Variants in HHAT observed in about 807,000 individuals in gnomAD.
The protein encoded by HHAT is protein-cysteine N-palmitoyltransferase HHAT.
Under a neutral mutation model 70.8 loss-of-function variants are expected in HHAT, and 47 were observed. That is an observed-to-expected ratio of 0.66 (90% CI 0.53 to 0.85). HHAT has a LOEUF of 0.85. HHAT is among the 40% of genes least tolerant of loss of function. The probability of loss-of-function intolerance (pLI) is 0.00; values close to 1 mark genes in which losing one functional copy is unlikely to be tolerated. For synonymous variants in HHAT, 228 were observed against 247.6 expected (o/e 0.92, Z 0.74); for missense variants, 609 against 604.8 (o/e 1.01, Z -0.07).
intron 7 of HHAT, among the ~76,000 whole-genome samples, chr1:210,438,659 C>T (rs2093435224): frequency 6.6e-6 from 1 of 151,728 alleles, no homozygotes; most frequent in Non-Finnish European, 1.5e-5. Flanking sequence ...TGTGAACTGA[C>T]TCAGGTCTGG....
chr1:210,399,389 TGG>T (rs1238717618), intron 4 of HHAT, among the ~76,000 whole-genome samples: 2 of 152,158 alleles, frequency 1.3e-5, no homozygotes, highest in African/African-American at 4.8e-5. Context: ...CCCGGGTAGT[TGG>T]GATTACAGTC....
At chr1:210,491,182 A>G (rs1397509965) in intron 8 of HHAT, among the ~76,000 whole-genome samples, 1 of 151,980 alleles carries the variant, frequency 6.6e-6, no homozygotes, top group Non-Finnish European at 1.5e-5. Context: ...GTGTGGTTCA[A>G]GCCTGATTCA....
At chr1:210,377,817 G>A (rs2090342620) in intron 3 of HHAT, among the ~76,000 whole-genome samples, 1 of 152,196 alleles carries the variant, frequency 6.6e-6, no homozygotes, top group South Asian at 2.1e-4. Flanking sequence ...GCTGGGAATG[G>A]TACACAGTAG....
At chr1:210,331,265 T>C (rs541503626) in intron 1 of HHAT, among the ~76,000 whole-genome samples, 150 of 151,798 alleles carry the variant, frequency 9.9e-4, no homozygotes, top group African/African-American at 3.5e-3. Flanking sequence ...GGTGTGTTGG[T>C]AGACATTGAC....
At chr1:210,510,403 T>C (rs1407726908) in intron 8 of HHAT, among the ~76,000 whole-genome samples, 2 of 152,152 alleles carry the variant, frequency 1.3e-5, no homozygotes, top group Non-Finnish European at 2.9e-5. Context: ...AAAGCACAAA[T>C]ACTGTATGAC....
chr1:210,464,364 T>G, intron 7 of HHAT, 141 bp from the exon 8 acceptor site: 1 of 793,172 alleles, frequency 1.3e-6, no homozygotes, highest in Non-Finnish European at 2.1e-6. Flanking sequence ...TGTGGAATAC[T>G]TTTGTGAAAT....
intron 8 of HHAT, among the ~76,000 whole-genome samples, chr1:210,469,473 TA>T (rs2094162659): frequency 6.6e-6 from 1 of 152,118 alleles, no homozygotes; most frequent in Non-Finnish European, 1.5e-5. Flanking sequence ...CTTGAGGCAT[TA>T]AAATGGGGCT....
chr1:210,437,685 GGGCC>G, intron 7 of HHAT, among the ~76,000 whole-genome samples: 1 of 151,872 alleles, frequency 6.6e-6, no homozygotes, highest in African/African-American at 2.4e-5. Context: ...TTAGACTGCC[GGGCC>G]CTTTTGTTGA....
chr1:210,459,383 C>G (rs1303398191), intron 7 of HHAT, among the ~76,000 whole-genome samples: 1 of 152,154 alleles, frequency 6.6e-6, no homozygotes, highest in Non-Finnish European at 1.5e-5. Flanking sequence ...AAATGCTTAT[C>G]AAACATCAAC....
intron 8 of HHAT, among the ~76,000 whole-genome samples, chr1:210,499,642 C>T (rs371987487): frequency 1.8e-3 from 83 of 46,940 alleles, no homozygotes; most frequent in African/African-American, 3.5e-3. Flanking sequence ...GACTTTCTCT[C>T]TCAAAAAAAA....
intron 1 of HHAT, among the ~76,000 whole-genome samples, chr1:210,334,739 G>A (rs1292658241): frequency 6.7e-6 from 1 of 149,590 alleles, no homozygotes; most frequent in African/African-American, 2.5e-5. Context: ...GGTAGATGAT[G>A]TTATTAGTGT....
At chr1:210,361,814 C>A (rs1291669104) in intron 2 of HHAT, among the ~76,000 whole-genome samples, 2 of 152,124 alleles carry the variant, frequency 1.3e-5, no homozygotes, top group African/African-American at 4.8e-5. Flanking sequence ...AAGTCTTTAT[C>A]TCCAGCTTAG....
At chr1:210,328,806 A>G (rs1024491318), upstream of HHAT, 14 of 372,962 alleles carry the variant, frequency 3.8e-5, no homozygotes, top group Non-Finnish European at 5.6e-5. Flanking sequence ...TCAGAAACGC[A>G]GGCCGCGCTC....
intron 9 of HHAT, among the ~76,000 whole-genome samples, chr1:210,546,874 A>G (rs2095488506): frequency 6.6e-6 from 1 of 152,070 alleles, no homozygotes; most frequent in African/African-American, 2.4e-5. Flanking sequence ...CTGGGTGGGG[A>G]AGAATGTGGG....
intron 8 of HHAT, among the ~76,000 whole-genome samples, chr1:210,493,313 C>A (rs1156499430): frequency 6.6e-6 from 1 of 152,112 alleles, no homozygotes; most frequent in East Asian, 1.9e-4. Flanking sequence ...AATTCAAACT[C>A]TGCAGGGCAG....
chr1:210,570,914 G>T (rs555930215), intron 9 of HHAT, among the ~76,000 whole-genome samples: 1 of 152,302 alleles, frequency 6.6e-6, no homozygotes, highest in African/African-American at 2.4e-5. Context: ...CATAAGAGGG[G>T]TAAGTGTTAA....
At chr1:210,652,121 C>T (rs956918871) in intron 11 of HHAT, among the ~76,000 whole-genome samples, 1 of 151,994 alleles carries the variant, frequency 6.6e-6, no homozygotes, top group African/African-American at 2.4e-5. Context: ...AAAGCCTTGC[C>T]CACCCCAAGT....
intron 11 of HHAT, among the ~76,000 whole-genome samples, chr1:210,639,412 G>A (rs1202702819): frequency 6.6e-6 from 1 of 152,206 alleles, no homozygotes; most frequent in Non-Finnish European, 1.5e-5. Context: ...CTTAGCATAA[G>A]ATGAGTTTTC....
intron 11 of HHAT, among the ~76,000 whole-genome samples, chr1:210,663,769 A>G (rs180871280): frequency 6.6e-6 from 1 of 152,340 alleles, no homozygotes; most frequent in East Asian, 1.9e-4. Context: ...GGCCTACCCC[A>G]GATCTACTGG....
Sources: gnomAD v4.1 joint callset for allele counts (sites outside exome capture counted in the v4.1 genomes callset) on GRCh38, gnomAD v4.1.1 for gene constraint, MANE v1.5 for transcripts, NCBI Gene and HGNC (gene_info 2026-07-23, HGNC 2026-07-21) for gene names.